The following PCSK6 variants were observed in gnomAD, a reference collection of about 807,000 sequenced individuals.
PCSK6 encodes the protein paired basic amino acid cleaving enzyme 4.
Under a neutral mutation model 123.3 loss-of-function variants are expected in PCSK6, and 85 were observed. That is an observed-to-expected ratio of 0.69 (90% CI 0.58 to 0.83). PCSK6 has a LOEUF of 0.83. Ranked by LOEUF, PCSK6 falls within the 40% of genes least tolerant of loss-of-function variation. The probability of loss-of-function intolerance (pLI) is 0.00; values close to 1 mark genes in which losing one functional copy is unlikely to be tolerated. For synonymous variants in PCSK6, 508 were observed against 516.0 expected, an observed-to-expected ratio of 0.98 and a Z score of 0.21; for missense variants, 1,191 against 1,282.3, an observed-to-expected ratio of 0.93 and a Z score of 1.09.
intron 1 of PCSK6, among the ~76,000 whole-genome samples, chr15:101,450,015 C>CA (rs2056992528): frequency 2.0e-5 from 3 of 152,242 alleles, no homozygotes; most frequent in Admixed American, 2.0e-4. Flanking sequence ...AGAGCAGCAT[C>CA]AACAACACTG....
At chr15:101,469,868 C>G (rs2141232143) in intron 1 of PCSK6, among the ~76,000 whole-genome samples, 1 of 152,332 alleles carries the variant, frequency 6.6e-6, no homozygotes, top group Non-Finnish European at 1.5e-5. Flanking sequence ...TAAATTCCTA[C>G]TTTAAAAATA....
intron 2 of PCSK6, among the ~76,000 whole-genome samples, chr15:101,436,267 G>T (rs2056597427): frequency 6.6e-6 from 1 of 152,134 alleles, no homozygotes; most frequent in African/African-American, 2.4e-5. Flanking sequence ...GCCACGAAGG[G>T]CATACACAGG....
chr15:101,400,159 G>A (rs2042544916), intron 6 of PCSK6, among the ~76,000 whole-genome samples: 1 of 152,162 alleles, frequency 6.6e-6, no homozygotes. Flanking sequence ...CGAGTAGCTA[G>A]GATCACAGGT....
intron 15 of PCSK6, among the ~76,000 whole-genome samples, chr15:101,331,219 C>T (rs1379870794): frequency 2.6e-5 from 4 of 152,184 alleles, no homozygotes; most frequent in Admixed American, 2.6e-4. Context: ...CCCACCTTGG[C>T]AATGGGATGA....
intron 13 of PCSK6, among the ~76,000 whole-genome samples, chr15:101,336,566 A>G (rs2040483463): frequency 6.6e-6 from 1 of 152,220 alleles, no homozygotes; most frequent in Non-Finnish European, 1.5e-5. Context: ...CTTTTCATAT[A>G]ATTAAGAGCA....
chr15:101,476,001 C>G (rs528445669), intron 1 of PCSK6, among the ~76,000 whole-genome samples: 25 of 152,320 alleles, frequency 1.6e-4, no homozygotes, highest in Admixed American at 1.2e-3. Flanking sequence ...GTAACTTGCA[C>G]ACATACATTG....
chr15:101,373,534 A>G (rs1180276874), intron 11 of PCSK6, among the ~76,000 whole-genome samples: 2 of 152,184 alleles, frequency 1.3e-5, no homozygotes, highest in East Asian at 1.9e-4. Flanking sequence ...TGTGGTTGCT[A>G]TTGAAACCAT....
chr15:101,314,062 C>T (rs945617492), intron 19 of PCSK6, among the ~76,000 whole-genome samples: 2 of 152,042 alleles, frequency 1.3e-5, no homozygotes, highest in African/African-American at 2.4e-5. Flanking sequence ...TAGAAGATGA[C>T]GGGGGAAGAT....
At position 101,489,503 on chromosome 15, in the gene PCSK6, C is replaced by A. The variant is rs189987207; in HGVS notation, c.168G>T (p.Ala56=). ...PRPWRWLLLL[A]LPAACSAPPP... ...GGGGCGCGGAGCAGGCGGCAGGCAGCGCCAGCAGCAGCAGCCAGCGCCAGG... is the reference window on the plus strand; with the variant it reads ...GGGGCGCGGAGCAGGCGGCAGGCAGAGCCAGCAGCAGCAGCCAGCGCCAGG... Residue 56 remains alanine (A), a synonymous_variant, in exon 1 of 22, where the codon GCG becomes GCT. Transcript: ENST00000611716. 1,730 of 1,053,030 alleles carry A rather than the reference C, an allele frequency of 1.6e-3. 26 individuals are homozygous for A. In the African/African-American group the frequency reaches 0.028, roughly 17 times the overall value. 65.2% of individuals were successfully genotyped at this position (1,053,030 alleles called of 1,614,324 possible).
intron 9 of PCSK6, among the ~76,000 whole-genome samples, chr15:101,386,764 G>A (rs564856387): frequency 4.6e-5 from 7 of 152,306 alleles, no homozygotes; most frequent in East Asian, 3.9e-4. Flanking sequence ...TGCTCCCGCC[G>A]TTCAGCTGTT....
intron 15 of PCSK6, among the ~76,000 whole-genome samples, chr15:101,330,798 T>G (rs2040357123): frequency 6.6e-6 from 1 of 152,204 alleles, no homozygotes; most frequent in Non-Finnish European, 1.5e-5. Context: ...AGTTTATAAA[T>G]CACAGGGGGA....
chr15:101,482,795 C>T (rs1457790969), intron 1 of PCSK6, among the ~76,000 whole-genome samples: 1 of 100,136 alleles, frequency 1.0e-5, no homozygotes, highest in African/African-American at 3.7e-5. Context: ...TCTGAGTCTG[C>T]TCCTGATTCT....
rs2040373021 is a variant in PCSK6 at position 101,331,665 on chromosome 15, T to C, written c.2063A>G (p.Asn688Ser). The stretch of plus-strand genomic sequence containing the variant: ...AGCATACTTACTGGTCTGTAAAATA[T>C]TAGCAGAGCCTGGGGTGGATTGAGC... ...YTAQSTPGSA[N>S]ILQTSVCHPE... is the part of the protein sequence containing the mutation. The change falls in exon 15 of 22, where the codon AAT (asparagine) becomes AGT (serine). Residue 688 changes from asparagine to serine, a missense_variant. Asn to Ser is a conservative substitution (Grantham distance 46). Coordinates refer to ENST00000611716, the MANE Select transcript of PCSK6 (RefSeq NM_002570.5). 2 of 1,613,736 alleles carry C rather than the reference T, an allele frequency of 1.2e-6. No individual in the cohort carries two copies. Among genetic ancestry groups the C allele is most frequent in the Admixed American group, 3.3e-5 (2 of 59,982 alleles).
chr15:101,399,317 A>G (rs2042516277), intron 6 of PCSK6, among the ~76,000 whole-genome samples: 1 of 152,092 alleles, frequency 6.6e-6, no homozygotes, highest in Non-Finnish European at 1.5e-5. Context: ...CTTATGATGA[A>G]CCAAATGATG....
In PCSK6 at chr15:101,472,283, G is replaced by A. The variant is rs182583672; in HGVS notation, c.297+17091C>T. On this transcript the variant is annotated intron_variant, in intron 1 of 21. Coordinates refer to ENST00000611716, the MANE Select transcript of PCSK6 (RefSeq NM_002570.5). ...ACGCAGAAATCAAACTGGGCTCAAC[G>A]TTAACACAGCTCCCTGAAGAGGCCT... is the stretch of plus-strand genomic sequence containing the variant. Among the ~76,000 whole-genome samples, 32 of 152,352 alleles carry A rather than the reference G, an allele frequency of 2.1e-4. No homozygotes were observed. In the East Asian group the frequency reaches 2.3e-3, roughly 11 times the overall value.
intron 1 of PCSK6, among the ~76,000 whole-genome samples, chr15:101,478,133 G>GA (rs2057778539): frequency 6.6e-6 from 1 of 152,160 alleles, no homozygotes; most frequent in Admixed American, 6.5e-5. Flanking sequence ...TGTCTATGAG[G>GA]AAGGCCTGGA....
At chr15:101,394,736 G>C (rs1297784903) in intron 7 of PCSK6, among the ~76,000 whole-genome samples, 1 of 152,230 alleles carries the variant, frequency 6.6e-6, no homozygotes, top group Non-Finnish European at 1.5e-5. Flanking sequence ...AGCACAATGA[G>C]TGGACCCGCC....
intron 1 of PCSK6, among the ~76,000 whole-genome samples, chr15:101,488,833 C>T (rs1158818888): frequency 6.6e-6 from 1 of 151,510 alleles, no homozygotes; most frequent in East Asian, 2.0e-4. Context: ...ACCGAGGGAG[C>T]GCGAGTCCCC....
chr15:101,307,427 C>G, intron 20 of PCSK6, 102 bp from the exon 21 acceptor site: 3 of 780,314 alleles, frequency 3.8e-6, no homozygotes, highest in Non-Finnish European at 4.3e-6. Flanking sequence ...TTCCCACCCC[C>G]TCAGCCTCGG....
Sources: gnomAD v4.1 joint callset for allele counts (sites outside exome capture counted in the v4.1 genomes callset) on GRCh38, gnomAD v4.1.1 for gene constraint, MANE v1.5 for transcripts, NCBI Gene and HGNC (gene_info 2026-07-23, HGNC 2026-07-21) for gene names.